The following ANOS1 variants were observed in gnomAD, a reference collection of about 807,000 sequenced individuals.
ANOS1 encodes the protein anosmin-1.
A neutral mutation model predicts 59.0 loss-of-function variants in ANOS1; 6 were observed. That is an observed-to-expected ratio of 0.10 (90% CI 0.06 to 0.20). The LOEUF is 0.20. Among genes scored for constraint, ANOS1 ranks in the 10% least tolerant of loss-of-function variants. The pLI is 1.00. For synonymous variants in ANOS1, 217 were observed against 223.4 expected (o/e 0.97, Z 0.25); for missense variants, 433 against 542.3 (o/e 0.80, Z 2.00).
chrX:8,714,898 G>C (rs1012131680), intron 1 of ANOS1, among the ~76,000 whole-genome samples: 1 of 111,832 alleles, frequency 8.9e-6, no homozygotes, highest in Non-Finnish European at 1.9e-5. Flanking sequence ...GTACCTCATA[G>C]TCTATTATGC....
At chrX:8,612,916 C>T (rs1931087892) in intron 3 of ANOS1, among the ~76,000 whole-genome samples, 1 of 111,738 alleles carries the variant, frequency 8.9e-6, no homozygotes, top group Admixed American at 9.5e-5. Flanking sequence ...GGAGCTTCTA[C>T]TTCTTAGAGA....
chrX:8,630,750 T>G (rs1931475416), intron 2 of ANOS1, among the ~76,000 whole-genome samples: 1 of 112,446 alleles, frequency 8.9e-6, no homozygotes, highest in Admixed American at 9.4e-5. Flanking sequence ...TTGTTCCAAC[T>G]TGTGTTTATG....
intron 1 of ANOS1, among the ~76,000 whole-genome samples, chrX:8,704,930 C>T (rs12013103): frequency 0.022 from 2,483 of 111,293 alleles, 79 homozygotes; most frequent in African/African-American, 0.078. Flanking sequence ...TATAGTGAGA[C>T]TCAAAAGTAT....
chrX:8,663,692 T>C (rs1439781198), intron 2 of ANOS1, among the ~76,000 whole-genome samples: 1 of 111,740 alleles, frequency 8.9e-6, no homozygotes, highest in Non-Finnish European at 1.9e-5. Context: ...TGAAGTACTG[T>C]GAAGAGGTAA....
At chrX:8,687,574 C>T (rs772634522) in intron 2 of ANOS1, among the ~76,000 whole-genome samples, 10 of 102,863 alleles carry the variant, frequency 9.7e-5, no homozygotes, top group Non-Finnish European at 1.6e-4. Context: ...CAGAAGAAAA[C>T]AGAAGGTGTA....
intron 8 of ANOS1, among the ~76,000 whole-genome samples, chrX:8,559,819 C>T (rs752104022): frequency 1.6e-3 from 176 of 111,343 alleles, no homozygotes; most frequent in African/African-American, 5.3e-3. Flanking sequence ...TTTTGTGTTC[C>T]TGTATTTTTT....
chrX:8,581,364 A>G (rs1421483430), intron 6 of ANOS1, among the ~76,000 whole-genome samples: 1 of 111,715 alleles, frequency 9.0e-6, no homozygotes, highest in East Asian at 2.8e-4. Flanking sequence ...AGGCCTCCCC[A>G]GCCATGTGGA....
chrX:8,609,073 T>C (rs889653674), intron 3 of ANOS1, among the ~76,000 whole-genome samples: 1 of 112,326 alleles, frequency 8.9e-6, no homozygotes, highest in Admixed American at 9.4e-5. Context: ...GTTAAGGGAC[T>C]GGTTCCCAGG....
At chrX:8,618,378 C>T (rs1284654580) in intron 3 of ANOS1, among the ~76,000 whole-genome samples, 1 of 111,996 alleles carries the variant, frequency 8.9e-6, no homozygotes, top group African/African-American at 3.2e-5. Context: ...CTTTCTATGA[C>T]GTTAACAGGT....
intron 2 of ANOS1, among the ~76,000 whole-genome samples, chrX:8,689,231 A>C (rs2146891969): frequency 9.0e-6 from 1 of 111,412 alleles, no homozygotes; most frequent in South Asian, 3.7e-4. Flanking sequence ...TTCTTTTTTT[A>C]TCTTTTTCCC....
At position 8,729,685 on chromosome X, in the gene ANOS1, C is replaced by T. The variant is rs773725009; in HGVS notation, c.207+2145G>A. On this transcript the variant is annotated intron_variant, in intron 1 of 13. Coordinates refer to ENST00000262648, the MANE Select transcript of ANOS1 (RefSeq NM_000216.4). ...CAGGGATTAGAGGCATGAGCCACTG[C>T]GCCCGGCCCATCTTCCTTCTAATTA... 1.4e-4 allele frequency among the ~76,000 whole-genome samples: 13 copies of T among 93,109 alleles called. No individual in the cohort carries two copies. In the East Asian group the frequency reaches 3.6e-3, roughly 26 times the overall value. The allele number at this position is 93,109 out of a possible 115,157, so 80.9% of individuals were successfully genotyped here. A position where few individuals can be genotyped will look rare whatever the true frequency, so the allele number is the denominator to read the frequency against.
At chrX:8,720,634 G>A (rs917156099) in intron 1 of ANOS1, among the ~76,000 whole-genome samples, 16 of 111,550 alleles carry the variant, frequency 1.4e-4, no homozygotes, top group African/African-American at 5.2e-4. Context: ...AGGTATGGTG[G>A]CTCACACCTG....
intron 1 of ANOS1, among the ~76,000 whole-genome samples, chrX:8,716,150 T>C: frequency 9.0e-6 from 1 of 111,341 alleles, no homozygotes; most frequent in Non-Finnish European, 1.9e-5. Flanking sequence ...CAGAAGACCT[T>C]AGGACCAGCT....
chrX:8,692,038 T>C (rs1397421137), intron 2 of ANOS1, among the ~76,000 whole-genome samples: 1 of 111,942 alleles, frequency 8.9e-6, no homozygotes, highest in Non-Finnish European at 1.9e-5. Context: ...TATTGTTTTG[T>C]TTGGGTTTAG....
intron 1 of ANOS1, among the ~76,000 whole-genome samples, chrX:8,706,307 A>C (rs1012959248): frequency 8.9e-6 from 1 of 112,355 alleles, no homozygotes; most frequent in Non-Finnish European, 1.9e-5. Context: ...AGTGTCTAAC[A>C]ATGGAACTGA....
intron 8 of ANOS1, among the ~76,000 whole-genome samples, chrX:8,562,295 T>G (rs1930046335): frequency 1.8e-5 from 2 of 111,819 alleles, no homozygotes; most frequent in Admixed American, 9.6e-5. Flanking sequence ...TTATATATCT[T>G]AAGATTGAAC....
At chrX:8,613,331 C>T (rs1314705640) in intron 3 of ANOS1, among the ~76,000 whole-genome samples, 1 of 109,926 alleles carries the variant, frequency 9.1e-6, no homozygotes, top group Non-Finnish European at 1.9e-5. Flanking sequence ...CCTCAGCTTC[C>T]TGTCTAGCTG....
intron 4 of ANOS1, among the ~76,000 whole-genome samples, chrX:8,588,202 T>C: frequency 9.0e-6 from 1 of 111,452 alleles, no homozygotes; most frequent in Non-Finnish European, 1.9e-5. Flanking sequence ...TTCTTTTTTT[T>C]AATAAGACAG....
At chrX:8,619,492 T>C (rs1931249765) in intron 3 of ANOS1, among the ~76,000 whole-genome samples, 1 of 110,913 alleles carries the variant, frequency 9.0e-6, no homozygotes, top group Admixed American at 9.6e-5. Flanking sequence ...TAGTCCCAGC[T>C]ACTCAGGAGG....
Sources: allele counts gnomAD v4.1 joint callset (sites outside exome capture counted in the v4.1 genomes callset), GRCh38; gene constraint gnomAD v4.1.1; transcripts MANE v1.5; gene names NCBI Gene and HGNC (gene_info 2026-07-23, HGNC 2026-07-21).